ATP10B: variants seen among roughly 807,000 people sequenced by gnomAD.
ATP10B encodes phospholipid-transporting ATPase VB.
ATP10B carries 122 observed loss-of-function variants against 141.2 expected under a neutral mutation model. That is an observed-to-expected ratio of 0.86 (90% CI 0.75 to 1.00). The LOEUF (loss-of-function observed/expected upper bound fraction) is 1.00, where lower values mean the gene tolerates loss of function less well. Ranked by LOEUF, ATP10B falls within the 50% of genes least tolerant of loss-of-function variation. The pLI, the probability that ATP10B is intolerant of heterozygous loss-of-function variation, is 0.00. For missense variants in ATP10B, 1,876 were observed against 1,825.3 expected, an observed-to-expected ratio of 1.03 and a Z score of -0.51; for synonymous variants, 685 against 692.0, an observed-to-expected ratio of 0.99 and a Z score of 0.16.
intron 16 of ATP10B, among the ~76,000 whole-genome samples, chr5:160,617,537 A>C (rs1758093296): frequency 6.6e-6 from 1 of 152,232 alleles, no homozygotes; most frequent in Non-Finnish European, 1.5e-5. Context: ...AGGTCCCCAA[A>C]TTTAAAGGAA....
At chr5:160,667,135 G>A (rs1039173841) in intron 7 of ATP10B, among the ~76,000 whole-genome samples, 5 of 152,118 alleles carry the variant, frequency 3.3e-5, no homozygotes, top group African/African-American at 9.7e-5. Context: ...GGAGAATGGC[G>A]TGAACCCGGG....
the ATP10B span, among the ~76,000 whole-genome samples, chr5:160,877,565 T>C: frequency 1.3e-5 from 2 of 150,160 alleles, no homozygotes; most frequent in African/African-American, 4.9e-5. Flanking sequence ...AAATAAAGGG[T>C]ATTCAATTAG....
intron 3 of ATP10B, among the ~76,000 whole-genome samples, chr5:160,709,963 G>T: frequency 1.0e-5 from 1 of 96,310 alleles, no homozygotes; most frequent in Non-Finnish European, 2.1e-5. Context: ...TGGCTGCATA[G>T]TATTCCATGG....
chr5:160,753,769 A>G (rs1314445995), intron 2 of ATP10B, among the ~76,000 whole-genome samples: 2 of 152,218 alleles, frequency 1.3e-5, no homozygotes, highest in Admixed American at 6.5e-5. Flanking sequence ...TTTTACATGC[A>G]TTAACTAATT....
chr5:160,836,889 G>T (rs1257718566), intron 1 of ATP10B, among the ~76,000 whole-genome samples: 1 of 151,996 alleles, frequency 6.6e-6, no homozygotes. Flanking sequence ...GAACTGTGAG[G>T]TTATGTCAAT....
At chr5:160,755,839 AT>A (rs66479344) in intron 2 of ATP10B, among the ~76,000 whole-genome samples, 501 of 31,144 alleles carry the variant, frequency 0.016, 8 homozygotes, top group African/African-American at 0.03. Flanking sequence ...AAAAAAAAAA[AT>A]ATATATATAT....
chr5:160,860,318 T>C, the ATP10B span, among the ~76,000 whole-genome samples: 2 of 152,086 alleles, frequency 1.3e-5, no homozygotes, highest in African/African-American at 2.4e-5. Flanking sequence ...AGATATCTAC[T>C]ATACAGAATT....
At chr5:160,727,845 G>A (rs964905099) in intron 2 of ATP10B, among the ~76,000 whole-genome samples, 1 of 152,124 alleles carries the variant, frequency 6.6e-6, no homozygotes, top group Non-Finnish European at 1.5e-5. Context: ...AAGGTAAAAG[G>A]CCTCAGGCAT....
intron 2 of ATP10B, among the ~76,000 whole-genome samples, chr5:160,722,747 T>C (rs536367105): frequency 6.6e-6 from 1 of 152,266 alleles, no homozygotes; most frequent in African/African-American, 2.4e-5. Context: ...TCGATTCCAT[T>C]TCAATCTAAT....
chr5:160,579,261 G>A (rs1755394233), intron 24 of ATP10B, among the ~76,000 whole-genome samples: 1 of 152,134 alleles, frequency 6.6e-6, no homozygotes. Context: ...TGTCCTGAAT[G>A]GTATTGCCTA....
At chr5:160,807,756 T>C (rs150636056) in intron 1 of ATP10B, among the ~76,000 whole-genome samples, 7 of 152,326 alleles carry the variant, frequency 4.6e-5, no homozygotes, top group African/African-American at 1.7e-4. Flanking sequence ...TCTTTTTAAA[T>C]GTGATAATGT....
chr5:160,593,866 A>C (rs1427974433), intron 22 of ATP10B, among the ~76,000 whole-genome samples: 1 of 152,224 alleles, frequency 6.6e-6, no homozygotes, highest in Non-Finnish European at 1.5e-5. Flanking sequence ...CAAAGCCTCC[A>C]AGAAATATGG....
chr5:160,616,018 T>G, intron 16 of ATP10B, 54 bp from the exon 17 acceptor site: 1 of 1,561,328 alleles, frequency 6.4e-7, no homozygotes, highest in Non-Finnish European at 8.8e-7. Flanking sequence ...ACAAGATAAT[T>G]TCCTCTCTCT....
At chr5:160,608,468 T>C (rs1208036357) in intron 18 of ATP10B, among the ~76,000 whole-genome samples, 3 of 152,198 alleles carry the variant, frequency 2.0e-5, no homozygotes, top group African/African-American at 7.2e-5. Context: ...CTGGGTCAAA[T>C]GGTATTTCTA....
At chr5:160,902,735 C>T in the ATP10B span, among the ~76,000 whole-genome samples, 49 of 152,276 alleles carry the variant, frequency 3.2e-4, no homozygotes, top group African/African-American at 1.0e-3. Flanking sequence ...GTTATGGGAC[C>T]TATCAGAGGG....
the ATP10B span, among the ~76,000 whole-genome samples, chr5:160,859,369 T>C: frequency 6.6e-6 from 1 of 151,930 alleles, no homozygotes; most frequent in Non-Finnish European, 1.5e-5. Context: ...CTTTTTCTGG[T>C]TGGTTTCAAT....
chr5:160,752,801 G>A (rs1264312136), intron 2 of ATP10B, among the ~76,000 whole-genome samples: 2 of 152,038 alleles, frequency 1.3e-5, no homozygotes, highest in Admixed American at 1.3e-4. Flanking sequence ...GTAACTTTAG[G>A]GAAGAAGTTT....
chr5:160,696,580 C>T (rs1478660943), intron 3 of ATP10B, among the ~76,000 whole-genome samples: 1 of 152,146 alleles, frequency 6.6e-6, no homozygotes. Context: ...TCTCTATTTG[C>T]TGTTCTGGGA....
At chr5:160,756,711 G>A (rs953769276) in intron 2 of ATP10B, among the ~76,000 whole-genome samples, 4 of 151,260 alleles carry the variant, frequency 2.6e-5, no homozygotes, top group African/African-American at 7.3e-5. Context: ...AATGGTTGTG[G>A]GTACATAGTA....
Sources: allele counts gnomAD v4.1 joint callset (sites outside exome capture counted in the v4.1 genomes callset), GRCh38; gene constraint gnomAD v4.1.1; transcripts MANE v1.5; gene names NCBI Gene and HGNC (gene_info 2026-07-23, HGNC 2026-07-21).